The following CFAP299 variants were observed in gnomAD, a reference collection of about 807,000 sequenced individuals.
CFAP299 encodes cilia- and flagella-associated protein 299.
A neutral mutation model predicts 27.0 loss-of-function variants in CFAP299; 21 were observed. That is an observed-to-expected ratio of 0.78 (90% CI 0.55 to 1.12). CFAP299 has a LOEUF of 1.12. CFAP299 is among the 50% of genes most tolerant of loss of function. CFAP299 has a pLI of 0.00. For missense variants in CFAP299, 310 were observed against 276.6 expected, an observed-to-expected ratio of 1.12 and a Z score of -0.86; for synonymous variants, 104 against 98.1, an observed-to-expected ratio of 1.06 and a Z score of -0.36.
intron 4 of CFAP299, among the ~76,000 whole-genome samples, chr4:80,912,224 T>C (rs1485666035): frequency 3.9e-5 from 6 of 152,150 alleles, no homozygotes; most frequent in African/African-American, 1.4e-4. Flanking sequence ...TAAGATATAG[T>C]GCCTCTTCAA....
intron 2 of CFAP299, among the ~76,000 whole-genome samples, chr4:80,444,105 C>A (rs1728498016): frequency 6.6e-6 from 1 of 152,142 alleles, no homozygotes; most frequent in Non-Finnish European, 1.5e-5. Context: ...CCACACTGCC[C>A]ACAGTAGTTT....
At chr4:80,419,421 T>C (rs1164766758) in intron 2 of CFAP299, among the ~76,000 whole-genome samples, 1 of 152,184 alleles carries the variant, frequency 6.6e-6, no homozygotes, top group Non-Finnish European at 1.5e-5. Flanking sequence ...TGTTCTTTCC[T>C]TACCAGTTTA....
chr4:80,919,018 C>A (rs1735905242), intron 4 of CFAP299, among the ~76,000 whole-genome samples: 4 of 152,038 alleles, frequency 2.6e-5, no homozygotes, highest in Admixed American at 1.3e-4. Flanking sequence ...AAAAGCCCCC[C>A]AGAACAGCAA....
At chr4:80,779,399 G>A (rs1033638850) in intron 3 of CFAP299, among the ~76,000 whole-genome samples, 3 of 151,962 alleles carry the variant, frequency 2.0e-5, no homozygotes, top group African/African-American at 4.8e-5. Context: ...CCCCTACCTA[G>A]CAATGTATCC....
At chr4:80,648,764 A>G (rs915793467) in intron 3 of CFAP299, 15 of 152,314 alleles carry the variant, frequency 9.8e-5, no homozygotes, top group African/African-American at 3.4e-4. Flanking sequence ...CTGATTAACA[A>G]TAATTTAAGT....
rs1737662640 is a variant in CFAP299 at position 80,949,556 on chromosome 4, A to G, written c.606+4617A>G. 3.3e-5 allele frequency among the ~76,000 whole-genome samples: 5 copies of G among 151,684 alleles called. No homozygotes were observed. In the South Asian group the frequency reaches 1.0e-3, roughly 32 times the overall value. ...TAAAAACAACAACAACAAAAAAAAA[A>G]AGAAGCAGGATCATAAAAAAAAAAC... On this transcript the variant is annotated intron_variant, in intron 5 of 5. Transcript: ENST00000358105.
chr4:80,861,829 T>G (rs1193157819), intron 3 of CFAP299, among the ~76,000 whole-genome samples: 1 of 152,202 alleles, frequency 6.6e-6, no homozygotes, highest in African/African-American at 2.4e-5. Context: ...AACCCATCTT[T>G]TCTGTATAAA....
At chr4:80,693,357 C>A (rs1397493363) in intron 3 of CFAP299, among the ~76,000 whole-genome samples, 1 of 151,782 alleles carries the variant, frequency 6.6e-6, no homozygotes, top group Non-Finnish European at 1.5e-5. Context: ...CCATGGAATA[C>A]TATGCAGCCA....
Position 80,826,658 on chromosome 4 carries a change from GAAGAT to G in CFAP299, c.334-43331_334-43327del, listed in dbSNP as rs138551192. On this transcript the variant is annotated intron_variant, in intron 3 of 5. Coordinates refer to ENST00000358105, the MANE Select transcript of CFAP299 (RefSeq NM_152770.3). ...CAGTAATGAATAGGACATCCAGAAAGAAGATAAGTAAGATAATAGAGCACTTGACA... is the reference window on the plus strand; with the variant it reads ...CAGTAATGAATAGGACATCCAGAAAGAAGTAAGATAATAGAGCACTTGACA... Among the ~76,000 whole-genome samples the G allele has an allele frequency of 4.0e-3, 606 of 151,848 alleles. 5 individuals are homozygous for G. The highest frequency in any genetic ancestry group is 0.014 in the African/African-American group (593 of 41,498).
intron 2 of CFAP299, among the ~76,000 whole-genome samples, chr4:80,467,762 A>T (rs534004901): frequency 3.7e-4 from 56 of 152,356 alleles, no homozygotes; most frequent in Middle Eastern, 3.4e-3. Flanking sequence ...TAAAGGAAAG[A>T]GGTTTAATTT....
intron 2 of CFAP299, among the ~76,000 whole-genome samples, chr4:80,521,385 G>A (rs1732903328): frequency 6.6e-6 from 1 of 152,080 alleles, no homozygotes; most frequent in Non-Finnish European, 1.5e-5. Flanking sequence ...TATGAAACTA[G>A]TGTTTTTATA....
At chr4:80,701,061 G>C (rs1327959082) in intron 3 of CFAP299, among the ~76,000 whole-genome samples, 1 of 152,030 alleles carries the variant, frequency 6.6e-6, no homozygotes, top group Non-Finnish European at 1.5e-5. Flanking sequence ...ACCAAGTACT[G>C]TCTGGTACCC....
At chr4:80,391,444 C>A (rs939068365) in intron 2 of CFAP299, among the ~76,000 whole-genome samples, 8 of 152,006 alleles carry the variant, frequency 5.3e-5, no homozygotes, top group Non-Finnish European at 1.0e-4. Context: ...CATTGTGGTT[C>A]CGATTTGCTT....
At chr4:80,674,810 G>A (rs1441632460) in intron 3 of CFAP299, among the ~76,000 whole-genome samples, 2 of 151,472 alleles carry the variant, frequency 1.3e-5, no homozygotes, top group African/African-American at 2.4e-5. Flanking sequence ...CAACTTGATC[G>A]AATCGGCTAT....
intron 4 of CFAP299, among the ~76,000 whole-genome samples, chr4:80,876,566 A>G (rs1423881313): frequency 2.0e-5 from 3 of 152,196 alleles, no homozygotes; most frequent in African/African-American, 7.2e-5. Flanking sequence ...ATAGCAATAT[A>G]ATAATGGACT....
intron 2 of CFAP299, among the ~76,000 whole-genome samples, chr4:80,527,139 T>C (rs1044860875): frequency 6.6e-6 from 1 of 152,164 alleles, no homozygotes; most frequent in Non-Finnish European, 1.5e-5. Context: ...TAACAATTGC[T>C]CTTTACTCTT....
rs565482181 is a variant in CFAP299, at chr4:80,588,332, C to T, written c.333+5149C>T. Among the ~76,000 whole-genome samples, 12 of 150,882 alleles carry T rather than the reference C, an allele frequency of 8.0e-5. No individual in the cohort carries two copies. In the East Asian group the frequency reaches 1.7e-3, roughly 22 times the overall value. ...TGGGAAATGAGATCTAAGAGGGACA[C>T]TACCAACATCCACTGCAGTGCTCTA... On this transcript the variant is annotated intron_variant, in intron 3 of 5. Transcript: ENST00000358105.
chr4:80,680,885 G>A (rs911239550), intron 3 of CFAP299, among the ~76,000 whole-genome samples: 19 of 152,254 alleles, frequency 1.2e-4, no homozygotes, highest in Admixed American at 4.6e-4. Context: ...TTTGGATCTA[G>A]GAGGTTATTG....
chr4:80,532,332 G>GA (rs1277916907), intron 2 of CFAP299, among the ~76,000 whole-genome samples: 5 of 151,986 alleles, frequency 3.3e-5, no homozygotes, highest in Admixed American at 6.6e-5. Flanking sequence ...TAAATGTTGG[G>GA]AAAAAAACTG....
Sources: allele counts gnomAD v4.1 joint callset (sites outside exome capture counted in the v4.1 genomes callset), GRCh38; gene constraint gnomAD v4.1.1; transcripts MANE v1.5; gene names NCBI Gene and HGNC (gene_info 2026-07-23, HGNC 2026-07-21).